CAPRIN1: variants seen among roughly 807,000 people sequenced by gnomAD.
The protein encoded by CAPRIN1 is cell cycle associated protein 1.
In CAPRIN1, 29 loss-of-function variants were observed where a neutral mutation model predicts 100.9. The observed-to-expected ratio is 0.29, with a 90% confidence interval of 0.21 to 0.39. The LOEUF (loss-of-function observed/expected upper bound fraction) is 0.39, where lower values mean the gene tolerates loss of function less well. Ranked by LOEUF, CAPRIN1 falls within the 10% of genes least tolerant of loss-of-function variation. The pLI, the probability that CAPRIN1 is intolerant of heterozygous loss-of-function variation, is 1.00. For missense variants in CAPRIN1, 795 were observed against 876.7 expected, an observed-to-expected ratio of 0.91 and a Z score of 1.18; for synonymous variants, 338 against 307.5, an observed-to-expected ratio of 1.10 and a Z score of -1.04.
intron 9 of CAPRIN1, among the ~76,000 whole-genome samples, 173 bp from the exon 10 acceptor site, chr11:34,085,891 C>T (rs913555261): frequency 2.0e-5 from 3 of 152,200 alleles, no homozygotes; most frequent in Non-Finnish European, 4.4e-5. Context: ...GAAGTGATGA[C>T]ATTTTTCAGA....
At chr11:34,070,194 G>A (rs1461970460) in intron 2 of CAPRIN1, among the ~76,000 whole-genome samples, 1 of 152,070 alleles carries the variant, frequency 6.6e-6, no homozygotes, top group East Asian at 1.9e-4. Flanking sequence ...CTTAATAGTA[G>A]CCTGGGAAAC....
chr11:34,098,029 A>AT (rs991284411), intron 18 of CAPRIN1: 101 of 1,141,842 alleles, frequency 8.8e-5, no homozygotes, highest in Non-Finnish European at 1.1e-4. Flanking sequence ...ACTGAAAATT[A>AT]TTTTTCAGGT....
At chr11:34,082,927 T>C (rs1209094277) in intron 8 of CAPRIN1, 28 bp from the exon 9 acceptor site, 4 of 1,612,820 alleles carry the variant, frequency 2.5e-6, no homozygotes, top group East Asian at 2.2e-5. Context: ...TTCAAACAAA[T>C]GTCTCAAACA....
At chr11:34,052,983 C>T (rs1850361766) in intron 2 of CAPRIN1, 5 of 1,065,866 alleles carry the variant, frequency 4.7e-6, no homozygotes, top group African/African-American at 1.7e-5. Flanking sequence ...TTCTTTCCGT[C>T]TCTGAGGCCC....
Position 34,091,913 on chromosome 11 carries a change from A to G in CAPRIN1, c.1562A>G (p.Asn521Ser). ...TACTTTATTTACTAACAGGTGTTCA[A>G]TATGAATGCCCCAGTTCCTCCTGTT... ...APFQSMQTVF[N>S]MNAPVPPVNE... Residue 521 changes from asparagine (N) to serine (S), a missense_variant, in exon 15 of 19, where the codon AAT becomes AGT. Transcript: ENST00000341394. 2 of 1,611,418 alleles carry G rather than the reference A, an allele frequency of 1.2e-6. No homozygotes were observed. Among genetic ancestry groups the G allele is most frequent in the South Asian group, 1.1e-5 (1 of 90,522 alleles).
At chr11:34,084,077 A>G (rs1451095674) in intron 9 of CAPRIN1, among the ~76,000 whole-genome samples, 1 of 151,606 alleles carries the variant, frequency 6.6e-6, no homozygotes, top group African/African-American at 2.4e-5. Flanking sequence ...GAAGAAAAAA[A>G]CCCATTTTCC....
At chr11:34,079,862 GTACACTAGATTTTATTTTTAAA>G in intron 7 of CAPRIN1, 97 bp downstream of exon 7, 1 of 1,007,182 alleles carries the variant, frequency 9.9e-7, no homozygotes, top group East Asian at 2.9e-5. Context: ...TTTCATATAT[GTACACTAGATTTTATTTTTAAA>G]GAGACTTTAA....
intron 18 of CAPRIN1, chr11:34,098,415 T>G (rs1305637467): frequency 3.0e-6 from 3 of 985,264 alleles, no homozygotes; most frequent in Non-Finnish European, 3.6e-6. Flanking sequence ...CTACTTCCCA[T>G]TTTGGCAGGA....
intron 13 of CAPRIN1, 76 bp downstream of exon 13, chr11:34,090,365 A>C: frequency 8.1e-7 from 1 of 1,231,974 alleles, no homozygotes; most frequent in African/African-American, 1.5e-5. Context: ...ATTACCATTA[A>C]TATAATGATT....
chr11:34,064,157 C>T (rs1383752688), intron 2 of CAPRIN1, among the ~76,000 whole-genome samples: 1 of 152,058 alleles, frequency 6.6e-6, no homozygotes, highest in Non-Finnish European at 1.5e-5. Flanking sequence ...AGTAGCTGAC[C>T]AATTTATTGT....
rs200787595 is a variant in CAPRIN1, at chr11:34,071,881, T to G, written c.280-20T>G. The G allele has an allele frequency of 3.9e-5, 63 of 1,606,054 alleles. No homozygotes were observed. The East Asian group carries it at 1.4e-3, about 35-fold the overall frequency. On this transcript the variant is annotated intron_variant, in intron 3 of 18. Coordinates refer to ENST00000341394, the MANE Select transcript of CAPRIN1 (RefSeq NM_005898.5). ...GGTTTTTTGTCTTTCCAGTAAAGTT[T>G]GGGTTCTTTGTCATTTTAGGATGCC...
At chr11:34,083,286 T>C (rs959742727) in intron 9 of CAPRIN1, among the ~76,000 whole-genome samples, 3 of 152,252 alleles carry the variant, frequency 2.0e-5, no homozygotes, top group Non-Finnish European at 4.4e-5. Flanking sequence ...TGGATTAATC[T>C]GTTACCATGA....
At chr11:34,059,796 T>C (rs1166620646) in intron 2 of CAPRIN1, among the ~76,000 whole-genome samples, 1 of 152,154 alleles carries the variant, frequency 6.6e-6, no homozygotes, top group African/African-American at 2.4e-5. Context: ...GCAGTGTTTT[T>C]TTATTGAAAT....
intron 1 of CAPRIN1, 103 bp from the exon 2 acceptor site, chr11:34,052,318 C>T: frequency 4.0e-6 from 4 of 996,738 alleles, no homozygotes; most frequent in Non-Finnish European, 4.5e-6. Context: ...GCGTAGGCTA[C>T]CGCTCGCTGC....
At chr11:34,079,564 G>T in intron 6 of CAPRIN1, 64 bp from the exon 7 acceptor site, 1 of 1,338,224 alleles carries the variant, frequency 7.5e-7, no homozygotes, top group East Asian at 2.3e-5. Flanking sequence ...TAGAATGTTG[G>T]ATCTTCTTCA....
In CAPRIN1 at chr11:34,076,492, T is replaced by TTAA. The variant is rs1850909579; in HGVS notation, c.605+18_605+19insTAA. The TTAA allele has an allele frequency of 5.6e-6, 9 of 1,608,772 alleles. No homozygotes were observed. Among genetic ancestry groups the TTAA allele is most frequent in the African/African-American group, 1.3e-5 (1 of 74,794 alleles). ...AGCTTGAGGTATTAGTGGTATTTGA[T>TTAA]AATAGAAACTTCTGAGTATTTAAGT... On this transcript the variant is annotated intron_variant, in intron 5 of 18. Transcript: ENST00000341394.
At chr11:34,090,448 A>G (rs1325107235) in intron 13 of CAPRIN1, 81 bp from the exon 14 acceptor site, 1 of 1,476,050 alleles carries the variant, frequency 6.8e-7, no homozygotes, top group Non-Finnish European at 9.4e-7. Flanking sequence ...AGATTAATTT[A>G]CCACTTTAGT....
chr11:34,059,470 A>G (rs192506688), intron 2 of CAPRIN1, among the ~76,000 whole-genome samples: 200 of 152,216 alleles, frequency 1.3e-3, no homozygotes, highest in Middle Eastern at 3.4e-3. Flanking sequence ...GGGTTTCGCC[A>G]TGTTGGCCAT....
rs1347565526 is a variant in CAPRIN1, at chr11:34,099,326, A to G, written c.2089A>G (p.Asn697Asp). The stretch of plus-strand genomic sequence containing the variant: ...AGGTCGTGGAGGGCCCCCAAGACCC[A>G]ACAGAGGGATGCCGCAAATGAACAC... ...PRGRGGPPRP[N>D]RGMPQMNTQQ... is the part of the protein sequence containing the mutation. The change falls in exon 19 of 19, where the codon AAC (asparagine) becomes GAC (aspartate). Residue 697 changes from asparagine to aspartate, a missense_variant. Around this residue, in one of 3 missense-constraint regions of CAPRIN1, gnomAD observed 648 missense variants for 697.9 expected, o/e 0.93. Coordinates refer to ENST00000341394, the MANE Select transcript of CAPRIN1 (RefSeq NM_005898.5). The G allele has an allele frequency of 1.9e-6, 3 of 1,613,846 alleles. No homozygotes were observed. The highest frequency in any genetic ancestry group is 1.7e-6 in the Non-Finnish European group (2 of 1,179,898).
Sources: allele counts gnomAD v4.1 joint callset (sites outside exome capture counted in the v4.1 genomes callset), GRCh38; gene constraint gnomAD v4.1.1; regional missense constraint gnomAD v4.1.1; transcripts MANE v1.5; gene names NCBI Gene and HGNC (gene_info 2026-07-23, HGNC 2026-07-21).